HSF2: variants seen among roughly 807,000 people sequenced by gnomAD.
The protein encoded by HSF2 is heat shock factor protein 2.
HSF2 carries 21 observed loss-of-function variants against 65.0 expected under a neutral mutation model. The observed-to-expected ratio is 0.32, with a 90% CI of 0.23 to 0.47. The LOEUF (loss-of-function observed/expected upper bound fraction) is 0.47. HSF2 is among the 20% of genes least tolerant of loss of function. The probability of loss-of-function intolerance (pLI) is 1.00; values close to 1 mark genes in which losing one functional copy is unlikely to be tolerated. For missense variants in HSF2, 499 were observed against 628.1 expected, an observed-to-expected ratio of 0.79 and a Z score of 2.20; for synonymous variants, 225 against 219.1, an observed-to-expected ratio of 1.03 and a Z score of -0.24.
chr6:122,423,605 C>G lies in HSF2; in HGVS notation c.1095C>G (p.Asp365Glu), dbSNP rs750883318. ...GGGTTGAGCTGTTGGATTATCTTGACAGTATTGACTGCAGTTTAGAGGACT... is the reference window on the plus strand; with the variant it reads ...GGGTTGAGCTGTTGGATTATCTTGAGAGTATTGACTGCAGTTTAGAGGACT... ...LGKVELLDYL[D>E]SIDCSLEDFQ... The change falls in exon 10 of 13, where the codon GAC becomes GAG. Residue 365 changes from aspartate to glutamate, a missense_variant. Coordinates refer to ENST00000368455, the MANE Select transcript of HSF2 (RefSeq NM_004506.4). The G allele has an allele frequency of 6.2e-7, 1 of 1,606,814 alleles. No homozygotes were observed. Among genetic ancestry groups the G allele is most frequent in the Non-Finnish European group, 8.5e-7 (1 of 1,175,624 alleles).
At chr6:122,431,209 A>AT (rs1490914117) in intron 11 of HSF2, among the ~76,000 whole-genome samples, 3 of 151,972 alleles carry the variant, frequency 2.0e-5, no homozygotes, top group African/African-American at 7.2e-5. Flanking sequence ...GAACATCTTA[A>AT]TTCAGGTTCT....
At position 122,419,210 on chromosome 6, in the gene HSF2, G is replaced by A. The variant is rs1409013858; in HGVS notation, c.574G>A (p.Val192Met). Residue 192 changes from valine (V) to methionine (M), a missense_variant, in exon 6 of 13, where the codon GTG (valine) becomes ATG (methionine). Around this residue, in one of 2 missense-constraint regions of HSF2, gnomAD observed 150 missense variants for 234.6 expected, o/e 0.64. Coordinates refer to ENST00000368455, the MANE Select transcript of HSF2 (RefSeq NM_004506.4). ...IVTLVQNNQL[V>M]SLKRKRPLLL... is the part of the protein sequence containing the mutation. ...TACATTGGTTCAAAATAACCAACTT[G>A]TGAGTTTAAAACGTAAAAGGTAAGT... 8.0e-6 allele frequency: 12 copies of A among 1,499,918 alleles called. No homozygotes were observed. Among genetic ancestry groups the A allele is most frequent in the Non-Finnish European group, 1.0e-5 (11 of 1,082,206 alleles). The allele number at this position is 1,499,918 out of a possible 1,614,324, so 92.9% of individuals were successfully genotyped here.
rs1197575568 is a variant in HSF2 at position 122,432,513 on chromosome 6, T to TA, written c.*294dup. The stretch of plus-strand genomic sequence containing the variant: ...AAATTGGATATCTTTTTTTTACAAA[T>TA]ACGACCATTAACCTCAGTTAAATTT... On this transcript the variant is annotated 3_prime_UTR_variant, in exon 13 of 13. Transcript: ENST00000368455. 3.4e-6 allele frequency: 1 copy of TA among 293,494 alleles called. No homozygotes were observed. The highest frequency in any genetic ancestry group is 6.4e-6 in the Non-Finnish European group (1 of 155,888). The allele number at this position is 293,494 out of a possible 1,614,324, so 18.2% of individuals were successfully genotyped here. A position where few individuals can be genotyped will look rare whatever the true frequency, so the allele number is the denominator to read the frequency against.
intron 10 of HSF2, among the ~76,000 whole-genome samples, chr6:122,427,125 T>C (rs570783047): frequency 6.6e-6 from 1 of 152,020 alleles, no homozygotes; most frequent in Admixed American, 6.6e-5. Context: ...CTTAGTGCTT[T>C]TGAGCGCCAC....
chr6:122,432,792 G>T lies in HSF2; in HGVS notation c.*572G>T, dbSNP rs1011369770. 4 of 152,534 alleles carry T rather than the reference G, an allele frequency of 2.6e-5. No homozygotes were observed. Among genetic ancestry groups the T allele is most frequent in the African/African-American group, 9.7e-5 (4 of 41,434 alleles). 9.4% of individuals were successfully genotyped at this position (152,534 alleles called of 1,614,324 possible). The stretch of plus-strand genomic sequence containing the variant: ...CAGGAAAGACAAAGTGTACGTGAAT[G>T]CTCGCTGTCTGATAGGGTTCCAGCT... On this transcript the variant is annotated 3_prime_UTR_variant, in exon 13 of 13. Transcript: ENST00000368455.
In HSF2 at chr6:122,432,243, A is replaced by G. The variant is rs967258399; in HGVS notation, c.*23A>G. On this transcript the variant is annotated 3_prime_UTR_variant, in exon 13 of 13. Coordinates refer to ENST00000368455, the MANE Select transcript of HSF2 (RefSeq NM_004506.4). ...TAAATCCCCAGGAAGTGGACTTTAC[A>G]TGTATATATTCATCAAAATGATGAA... 1 of 1,533,082 alleles carries G rather than the reference A, an allele frequency of 6.5e-7. No homozygotes were observed. The highest frequency in any genetic ancestry group is 8.9e-7 in the Non-Finnish European group (1 of 1,125,426). The allele number at this position is 1,533,082 out of a possible 1,614,324, so 95.0% of individuals were successfully genotyped here.
Position 122,412,429 on chromosome 6 carries a change from C to G in HSF2, c.150C>G (p.Pro50=). The part of the protein sequence containing the change: ...DEQRFAKEIL[P]KYFKHNNMAS... The stretch of plus-strand genomic sequence containing the variant: ...AACGATTTGCAAAAGAAATTCTTCC[C>G]AAATATTTCAAGCACAATAATATGG... Residue 50 remains proline, a synonymous_variant, in exon 2 of 13, where the codon CCC becomes CCG. Coordinates refer to ENST00000368455, the MANE Select transcript of HSF2 (RefSeq NM_004506.4). 6.2e-7 allele frequency: 1 copy of G among 1,612,470 alleles called. No individual in the cohort carries two copies. The highest frequency in any genetic ancestry group is 8.5e-7 in the Non-Finnish European group (1 of 1,178,926).
intron 5 of HSF2, among the ~76,000 whole-genome samples, chr6:122,418,894 C>T (rs548689080): frequency 3.3e-5 from 5 of 152,168 alleles, no homozygotes; most frequent in East Asian, 1.9e-4. Context: ...TCTTTTGCAC[C>T]GTAGTGTAAT....
chr6:122,411,150 A>G (rs1002546802), intron 1 of HSF2, among the ~76,000 whole-genome samples: 1 of 151,734 alleles, frequency 6.6e-6, no homozygotes, highest in Non-Finnish European at 1.5e-5. Context: ...TAGCCATTCT[A>G]ATGGGTGTGC....
chr6:122,414,920 C>A (rs931105372), intron 4 of HSF2, among the ~76,000 whole-genome samples: 16 of 152,038 alleles, frequency 1.1e-4, no homozygotes, highest in Non-Finnish European at 1.9e-4. Context: ...CCCAGCCCTA[C>A]TTATCTTTAT....
At chr6:122,410,975 CTAGGAATGGAATTGCTGGAT>C (rs1773979285) in intron 1 of HSF2, among the ~76,000 whole-genome samples, 2 of 138,294 alleles carry the variant, frequency 1.4e-5, no homozygotes, top group Admixed American at 1.5e-4. Flanking sequence ...GAGTATATAC[CTAGGAATGGAATTGCTGGAT>C]TATATGTTCT....
intron 1 of HSF2, among the ~76,000 whole-genome samples, chr6:122,403,987 A>G (rs1464896960): frequency 6.6e-6 from 1 of 152,236 alleles, no homozygotes. Flanking sequence ...GAAGCAGTAT[A>G]AAAGAAGGAA....
intron 7 of HSF2, among the ~76,000 whole-genome samples, chr6:122,420,762 A>G (rs1774218924): frequency 9.3e-6 from 1 of 107,874 alleles, no homozygotes; most frequent in South Asian, 3.4e-4. Flanking sequence ...CCCAGCCTGG[A>G]GTGCAGTGGT....
intron 1 of HSF2, among the ~76,000 whole-genome samples, chr6:122,411,611 A>G (rs1327188903): frequency 2.0e-5 from 3 of 151,960 alleles, no homozygotes; most frequent in Admixed American, 2.0e-4. Flanking sequence ...TATATATGTT[A>G]TCAGATAAGG....
At chr6:122,424,635 T>C (rs1774302893) in intron 10 of HSF2, among the ~76,000 whole-genome samples, 2 of 152,114 alleles carry the variant, frequency 1.3e-5, no homozygotes, top group Non-Finnish European at 2.9e-5. Flanking sequence ...CTTTGAAGAT[T>C]TCTTTTCCAT....
Position 122,427,922 on chromosome 6 carries a change from A to G in HSF2, c.1196A>G (p.Gln399Arg), listed in dbSNP as rs1385751975. 5.0e-6 allele frequency: 8 copies of G among 1,602,298 alleles called. No individual in the cohort carries two copies. The highest frequency in any genetic ancestry group is 3.4e-6 in the Non-Finnish European group (4 of 1,171,200). The change falls in exon 11 of 13, where the codon CAG becomes CGG. Residue 399 changes from glutamine to arginine, a missense_variant. By Grantham distance (43) the Gln-to-Arg change is conservative. Around this residue, in one of 2 missense-constraint regions of HSF2, gnomAD observed 349 missense variants for 393.5 expected, o/e 0.89. Coordinates refer to ENST00000368455, the MANE Select transcript of HSF2 (RefSeq NM_004506.4). ...LLVDLFTSSVQMNPTDYINNT... is the reference protein window; with the variant it reads ...LLVDLFTSSVRMNPTDYINNT... ...TTTCAGCTTTTCACTAGTTCTGTGC[A>G]GATGAATCCCACAGATTACATCAAT...
intron 1 of HSF2, among the ~76,000 whole-genome samples, chr6:122,409,389 C>G (rs961552430): frequency 4.0e-5 from 6 of 151,836 alleles, no homozygotes; most frequent in Non-Finnish European, 7.4e-5. Context: ...GTGAGGGAAC[C>G]AAAAGCAGTT....
At chr6:122,430,409 A>G (rs990021779) in intron 11 of HSF2, among the ~76,000 whole-genome samples, 3 of 152,040 alleles carry the variant, frequency 2.0e-5, no homozygotes, top group Admixed American at 6.6e-5. Flanking sequence ...TCAGGTTCTC[A>G]TGTTTTAGAA....
At chr6:122,400,893 A>G (rs1773715535) in intron 1 of HSF2, among the ~76,000 whole-genome samples, 1 of 152,164 alleles carries the variant, frequency 6.6e-6, no homozygotes, top group African/African-American at 2.4e-5. Flanking sequence ...AGTGCCTGGC[A>G]CCTGTTAAGT....
Sources: allele counts gnomAD v4.1 joint callset (sites outside exome capture counted in the v4.1 genomes callset), GRCh38; gene constraint gnomAD v4.1.1; regional missense constraint gnomAD v4.1.1; transcripts MANE v1.5; gene names NCBI Gene and HGNC (gene_info 2026-07-23, HGNC 2026-07-21).